The following RASGEF1C variants were observed in gnomAD, a reference collection of about 807,000 sequenced individuals.
RASGEF1C encodes the protein RasGEF domain family member 1C.
Under a neutral mutation model 58.1 loss-of-function variants are expected in RASGEF1C, and 27 were observed. The observed-to-expected ratio is 0.46, with a 90% confidence interval of 0.34 to 0.64. The LOEUF is 0.64. Ranked by LOEUF, RASGEF1C falls within the 30% of genes least tolerant of loss-of-function variation. The pLI, the probability that RASGEF1C is intolerant of heterozygous loss-of-function variation, is 0.01. For synonymous variants in RASGEF1C, 243 were observed against 246.3 expected, an observed-to-expected ratio of 0.99 and a Z score of 0.13; for missense variants, 502 against 605.1, an observed-to-expected ratio of 0.83 and a Z score of 1.79.
chr5:180,115,230 G>A (rs1344803003), intron 10 of RASGEF1C: 3 of 410,562 alleles, frequency 7.3e-6, no homozygotes, highest in East Asian at 7.2e-5. Flanking sequence ...TGGCCAGGCT[G>A]GTATTGAACT....
At position 180,121,090 on chromosome 5, in the gene RASGEF1C, C is replaced by T. The variant is rs1209175962; in HGVS notation, c.774G>A (p.Leu258=). 4 of 1,614,154 alleles carry T rather than the reference C, an allele frequency of 2.5e-6. No individual in the cohort carries two copies. Among genetic ancestry groups the T allele is most frequent in the Non-Finnish European group, 3.4e-6 (4 of 1,179,974 alleles). The change falls in exon 7 of 14, where the codon CTG becomes CTA. Residue 258 remains leucine, a synonymous_variant. Coordinates refer to ENST00000361132, the MANE Select transcript of RASGEF1C (RefSeq NM_175062.4). ...AGATCTCAGTTGCCACCAGGTAGCA[C>T]AGCCTGTTGAACCATTTCACATAAG... The part of the protein sequence containing the change: ...LEAYVKWFNR[L]CYLVATEICM...
intron 1 of RASGEF1C, among the ~76,000 whole-genome samples, chr5:180,176,638 G>C (rs995635984): frequency 1.3e-4 from 20 of 151,000 alleles, no homozygotes; most frequent in South Asian, 1.1e-3. Flanking sequence ...CTCACTGCAA[G>C]CTCCGCCTCC....
chr5:180,182,378 G>A (rs1282029602), intron 1 of RASGEF1C, among the ~76,000 whole-genome samples: 1 of 152,076 alleles, frequency 6.6e-6, no homozygotes, highest in Non-Finnish European at 1.5e-5. Context: ...AGCTCTTAAA[G>A]GTGGCGCGGA....
chr5:180,131,972 A>T (rs1220451742), intron 4 of RASGEF1C, among the ~76,000 whole-genome samples: 1 of 152,108 alleles, frequency 6.6e-6, no homozygotes, highest in Admixed American at 6.5e-5. Context: ...GAGTGTGGTT[A>T]TGCTATCTGC....
At chr5:180,207,082 G>C (rs547620900) in intron 1 of RASGEF1C, among the ~76,000 whole-genome samples, 1 of 152,162 alleles carries the variant, frequency 6.6e-6, no homozygotes, top group African/African-American at 2.4e-5. Context: ...CAAATTGAAT[G>C]CAAGTAGAAA....
intron 1 of RASGEF1C, among the ~76,000 whole-genome samples, chr5:180,203,457 T>A (rs2127564658): frequency 6.6e-6 from 1 of 152,296 alleles, no homozygotes; most frequent in Non-Finnish European, 1.5e-5. Flanking sequence ...GCCAAAATTT[T>A]AAGCTCTAAA....
At chr5:180,141,049 C>T (rs1319797177) in intron 1 of RASGEF1C, among the ~76,000 whole-genome samples, 1 of 152,198 alleles carries the variant, frequency 6.6e-6, no homozygotes, top group African/African-American at 2.4e-5. Context: ...GTAAGTGACG[C>T]TTTTATTAGT....
chr5:180,183,048 A>C (rs1240013245), intron 1 of RASGEF1C, among the ~76,000 whole-genome samples: 2 of 152,234 alleles, frequency 1.3e-5, no homozygotes, highest in Non-Finnish European at 2.9e-5. Flanking sequence ...TAATCAGTTG[A>C]CTTTGAGATC....
intron 1 of RASGEF1C, among the ~76,000 whole-genome samples, chr5:180,178,162 G>A (rs1421999974): frequency 1.4e-5 from 2 of 143,952 alleles, no homozygotes; most frequent in African/African-American, 5.2e-5. Context: ...ATTTTTAGTA[G>A]AGACAGGGTT....
rs536768834 is a variant in RASGEF1C, at chr5:180,108,533, T to C, written c.1303+2924A>G. Among the ~76,000 whole-genome samples the C allele has an allele frequency of 4.0e-4, 61 of 152,250 alleles. 1 individual carries two copies. The East Asian group carries it at 0.011, about 28-fold the overall frequency. ...TCTATTTTCTCCCTGTTGTTCAGAT[T>C]GTATAATTTCTATTGTTCCATCTTC... is the stretch of plus-strand genomic sequence containing the variant. On this transcript the variant is annotated intron_variant, in intron 12 of 13. Coordinates refer to ENST00000361132, the MANE Select transcript of RASGEF1C (RefSeq NM_175062.4).
At chr5:180,193,253 C>T (rs112201178) in intron 1 of RASGEF1C, among the ~76,000 whole-genome samples, 142 of 137,778 alleles carry the variant, frequency 1.0e-3, no homozygotes, top group African/African-American at 3.5e-3. Flanking sequence ...GACGGGGTTT[C>T]ACTGTGTTAG....
intron 1 of RASGEF1C, among the ~76,000 whole-genome samples, chr5:180,181,884 T>C (rs1408624816): frequency 1.3e-5 from 2 of 152,052 alleles, no homozygotes; most frequent in East Asian, 3.9e-4. Context: ...TTTCTTCGGT[T>C]GGTTTGTGGT....
chr5:180,149,593 C>T (rs1357667578), intron 1 of RASGEF1C, among the ~76,000 whole-genome samples: 1 of 151,314 alleles, frequency 6.6e-6, no homozygotes, highest in Non-Finnish European at 1.5e-5. Context: ...GTAGCTGGGA[C>T]TACAGGCATG....
At chr5:180,203,963 A>C (rs1486525484) in intron 1 of RASGEF1C, among the ~76,000 whole-genome samples, 36 of 151,644 alleles carry the variant, frequency 2.4e-4, no homozygotes, top group Admixed American at 2.2e-3. Context: ...ACTGCACTCT[A>C]GCCTGGGCGA....
chr5:180,165,749 C>CTT (rs1767011754), intron 1 of RASGEF1C, among the ~76,000 whole-genome samples: 1 of 74,350 alleles, frequency 1.3e-5, no homozygotes, highest in Non-Finnish European at 3.1e-5. Context: ...TTTAATTTTT[C>CTT]CTTTTTTTTT....
rs1406693714 is a variant in RASGEF1C at position 180,172,238 on chromosome 5, G to C, written c.-6-34180C>G. Among the ~76,000 whole-genome samples, 3 of 152,134 alleles carry C rather than the reference G, an allele frequency of 2.0e-5. No individual in the cohort carries two copies. In the South Asian group the frequency reaches 6.2e-4, roughly 31 times the overall value. On this transcript the variant is annotated intron_variant, in intron 1 of 13. Coordinates refer to ENST00000361132, the MANE Select transcript of RASGEF1C (RefSeq NM_175062.4). ...CACTGGGTGTCCCAAGCCTGCCTGA[G>C]CACTCAGGGCCCCAGCATGCCCAGA...
intron 1 of RASGEF1C, among the ~76,000 whole-genome samples, chr5:180,199,677 T>G (rs1225581834): frequency 7.8e-6 from 1 of 128,982 alleles, no homozygotes; most frequent in Non-Finnish European, 1.6e-5. Context: ...TCTCCCTCCC[T>G]TCCCTTCCCC....
chr5:180,167,850 G>C (rs1767044226), intron 1 of RASGEF1C, among the ~76,000 whole-genome samples: 1 of 152,250 alleles, frequency 6.6e-6, no homozygotes, highest in South Asian at 2.1e-4. Context: ...ATCCTATGGA[G>C]AATATTTATA....
intron 13 of RASGEF1C, among the ~76,000 whole-genome samples, chr5:180,101,732 G>A (rs541685093): frequency 2.6e-4 from 40 of 152,328 alleles, no homozygotes; most frequent in Non-Finnish European, 5.0e-4. Context: ...TTAACACGCC[G>A]AGCAAGAAGG....
Sources: gnomAD v4.1 joint callset for allele counts (sites outside exome capture counted in the v4.1 genomes callset) on GRCh38, gnomAD v4.1.1 for gene constraint, MANE v1.5 for transcripts, NCBI Gene and HGNC (gene_info 2026-07-23, HGNC 2026-07-21) for gene names.